Variants in SLC35F1 observed in about 807,000 individuals in gnomAD.
SLC35F1 encodes the protein chromosome 6 open reading frame 169.
In SLC35F1, 14 loss-of-function variants were observed where a neutral mutation model predicts 48.7. The ratio of observed to expected loss-of-function variants is 0.29; its 90% confidence interval spans 0.19 to 0.45. The LOEUF is 0.45. Among genes scored for constraint, SLC35F1 ranks in the 20% least tolerant of loss-of-function variants. The pLI is 1.00. For synonymous variants in SLC35F1, 190 were observed against 202.2 expected, an observed-to-expected ratio of 0.94 and a Z score of 0.51; for missense variants, 404 against 500.0, an observed-to-expected ratio of 0.81 and a Z score of 1.83.
At chr6:118,018,287 C>T (rs560769963) in intron 1 of SLC35F1, among the ~76,000 whole-genome samples, 2 of 152,052 alleles carry the variant, frequency 1.3e-5, no homozygotes, top group South Asian at 4.2e-4. Flanking sequence ...AGGAGAATTG[C>T]TTGAACCCGG....
chr6:118,040,360 G>T (rs970323345), intron 1 of SLC35F1, among the ~76,000 whole-genome samples: 1 of 152,126 alleles, frequency 6.6e-6, no homozygotes, highest in African/African-American at 2.4e-5. Context: ...TGCCCTAGTC[G>T]TTAGGTAGTG....
chr6:118,054,382 G>C (rs1772433728), intron 1 of SLC35F1, among the ~76,000 whole-genome samples: 1 of 152,158 alleles, frequency 6.6e-6, no homozygotes, highest in African/African-American at 2.4e-5. Flanking sequence ...TACTGTTTTA[G>C]TCATATATCA....
Position 118,281,394 on chromosome 6 carries a change from C to T in SLC35F1, c.848-3790C>T, listed in dbSNP as rs78171286. Among the ~76,000 whole-genome samples, 766 of 152,178 alleles carry T rather than the reference C, an allele frequency of 5.0e-3. 8 individuals carry two copies. The highest frequency in any genetic ancestry group is 0.018 in the African/African-American group (733 of 41,506). Reference sequence around the variant, plus strand: ...TAACCCCTGTAAGCTGGTCTGTTGCCTGTTTACTCACAGATCCATCTTTTA... The same window carrying T: ...TAACCCCTGTAAGCTGGTCTGTTGCTTGTTTACTCACAGATCCATCTTTTA... On this transcript the variant is annotated intron_variant, in intron 6 of 7. Transcript: ENST00000360388.
At chr6:118,204,681 C>T (rs1391840915) in intron 2 of SLC35F1, among the ~76,000 whole-genome samples, 1 of 152,002 alleles carries the variant, frequency 6.6e-6, no homozygotes, top group Non-Finnish European at 1.5e-5. Context: ...GTATAACAAA[C>T]AGAGAGAATA....
At chr6:118,013,666 G>C (rs186142443) in intron 1 of SLC35F1, among the ~76,000 whole-genome samples, 37 of 152,168 alleles carry the variant, frequency 2.4e-4, no homozygotes, top group Admixed American at 2.4e-3. Flanking sequence ...TGAAGCAATC[G>C]GTTTTTGATT....
chr6:118,287,714 C>T (rs1776067943), intron 7 of SLC35F1, among the ~76,000 whole-genome samples: 1 of 152,138 alleles, frequency 6.6e-6, no homozygotes, highest in South Asian at 2.1e-4. Flanking sequence ...CTGTTCCTGT[C>T]TGGGTCTGTC....
At chr6:117,977,860 G>A (rs1776724933) in intron 1 of SLC35F1, among the ~76,000 whole-genome samples, 1 of 152,104 alleles carries the variant, frequency 6.6e-6, no homozygotes, top group Non-Finnish European at 1.5e-5. Flanking sequence ...GATAGGGAAA[G>A]ATTTTCAGAG....
At chr6:118,162,559 GA>G (rs1192728084) in intron 2 of SLC35F1, among the ~76,000 whole-genome samples, 2 of 151,726 alleles carry the variant, frequency 1.3e-5, no homozygotes, top group Admixed American at 6.6e-5. Flanking sequence ...CTGAAGTGGG[GA>G]AAAAAAAGAA....
chr6:117,957,869 A>G (rs573883125), intron 1 of SLC35F1, among the ~76,000 whole-genome samples: 3 of 152,344 alleles, frequency 2.0e-5, no homozygotes, highest in Admixed American at 2.0e-4. Context: ...TTATGCATTT[A>G]CCATACTATG....
chr6:118,001,603 A>C (rs1050382293), intron 1 of SLC35F1, among the ~76,000 whole-genome samples: 2 of 152,062 alleles, frequency 1.3e-5, no homozygotes, highest in Middle Eastern at 3.4e-3. Flanking sequence ...GACAAATGGG[A>C]TCTAATTAAA....
chr6:118,301,281 G>A lies in SLC35F1; in HGVS notation c.1003-12747G>A, dbSNP rs548350590. On this transcript the variant is annotated intron_variant, in intron 7 of 7. Coordinates refer to ENST00000360388, the MANE Select transcript of SLC35F1 (RefSeq NM_001029858.4). ...TTATCTAGAAATTTTCATGTTGGAA[G>A]CCAGAAAGCTTTTGATAAATGTCAA... 8.1e-4 allele frequency among the ~76,000 whole-genome samples: 123 copies of A among 152,282 alleles called. 4 individuals are homozygous for A. The East Asian group carries it at 0.019, about 24-fold the overall frequency.
chr6:118,029,885 C>T lies in SLC35F1; in HGVS notation c.173+121986C>T, dbSNP rs72959825. On this transcript the variant is annotated intron_variant, in intron 1 of 7. Transcript: ENST00000360388. ...ATGCCACAGTTTCCTACTTACTAGGCTTTGCATCCCTTTCCTTTCTTTTAC... is the reference window on the plus strand; with the variant it reads ...ATGCCACAGTTTCCTACTTACTAGGTTTTGCATCCCTTTCCTTTCTTTTAC... Among the ~76,000 whole-genome samples the T allele has an allele frequency of 8.3e-3, 1,271 of 152,302 alleles. 8 individuals are homozygous for T. Among genetic ancestry groups the T allele is most frequent in the Non-Finnish European group, 0.015 (994 of 68,020 alleles).
At chr6:118,269,192 GA>G (rs1448632576) in intron 4 of SLC35F1, among the ~76,000 whole-genome samples, 3 of 152,170 alleles carry the variant, frequency 2.0e-5, no homozygotes, top group Non-Finnish European at 4.4e-5. Context: ...AACTGCTTAA[GA>G]AAAAGAAAGT....
chr6:118,142,822 G>A (rs1027945921), intron 1 of SLC35F1, among the ~76,000 whole-genome samples: 2 of 152,080 alleles, frequency 1.3e-5, no homozygotes, highest in African/African-American at 2.4e-5. Context: ...CAGGGCAATT[G>A]GAGTCATCTT....
rs554947877 is a variant in SLC35F1, at chr6:118,315,501, A to C, written c.*1249A>C. ...GTCGCCCAGGCTGGAGTGCGGTGGC[A>C]CGATCTCAGCTCACTGCAACCTCCG... On this transcript the variant is annotated 3_prime_UTR_variant, in exon 8 of 8. Coordinates refer to ENST00000360388, the MANE Select transcript of SLC35F1 (RefSeq NM_001029858.4). The C allele has an allele frequency of 1.5e-5, 2 of 132,554 alleles. No homozygotes were observed. Among genetic ancestry groups the C allele is most frequent in the Non-Finnish European group, 3.0e-5 (2 of 65,728 alleles). The allele number at this position is 132,554 out of a possible 1,614,324, so 8.2% of individuals were successfully genotyped here. A position where few individuals can be genotyped will look rare whatever the true frequency, so the allele number is the denominator to read the frequency against.
intron 1 of SLC35F1, among the ~76,000 whole-genome samples, chr6:118,001,882 A>T (rs1777102838): frequency 6.6e-6 from 1 of 151,740 alleles, no homozygotes; most frequent in African/African-American, 2.4e-5. Context: ...AGAGAAATGC[A>T]AATCAAAACC....
intron 7 of SLC35F1, among the ~76,000 whole-genome samples, chr6:118,300,916 C>T (rs930590751): frequency 6.6e-6 from 1 of 152,214 alleles, no homozygotes; most frequent in Non-Finnish European, 1.5e-5. Flanking sequence ...GTTTCACACC[C>T]GCTTCCTTCT....
chr6:118,066,909 G>C (rs1011526348), intron 1 of SLC35F1, among the ~76,000 whole-genome samples: 3 of 151,652 alleles, frequency 2.0e-5, no homozygotes, highest in African/African-American at 4.8e-5. Context: ...CCTTCACCCC[G>C]CCCCACTGAA....
At chr6:118,101,645 C>T (rs1436044529) in intron 1 of SLC35F1, among the ~76,000 whole-genome samples, 1 of 152,086 alleles carries the variant, frequency 6.6e-6, no homozygotes, top group Non-Finnish European at 1.5e-5. Flanking sequence ...AGCAATCTTC[C>T]ATGAAAATCT....
Sources: gnomAD v4.1 joint callset for allele counts (sites outside exome capture counted in the v4.1 genomes callset) on GRCh38, gnomAD v4.1.1 for gene constraint, MANE v1.5 for transcripts, NCBI Gene and HGNC (gene_info 2026-07-23, HGNC 2026-07-21) for gene names.